MAML2: variants seen among roughly 807,000 people sequenced by gnomAD.
The protein encoded by MAML2 is mastermind like transcriptional coactivator 2.
Under a neutral mutation model 96.1 loss-of-function variants are expected in MAML2, and 22 were observed. The observed-to-expected ratio is 0.23, with a 90% confidence interval of 0.16 to 0.33. MAML2 has a LOEUF of 0.33. Among genes scored for constraint, MAML2 ranks in the 10% least tolerant of loss-of-function variants. MAML2 has a pLI of 1.00. For missense variants in MAML2, 1,367 were observed against 1,392.4 expected, an observed-to-expected ratio of 0.98 and a Z score of 0.29; for synonymous variants, 561 against 521.3, an observed-to-expected ratio of 1.08 and a Z score of -1.04.
intron 2 of MAML2, among the ~76,000 whole-genome samples, chr11:96,002,517 G>A (rs1021773240): frequency 6.7e-6 from 1 of 150,344 alleles, no homozygotes; most frequent in Admixed American, 6.6e-5. Flanking sequence ...TGACAATGAC[G>A]ATGATGATGG....
At chr11:96,188,967 T>C (rs534747330) in intron 1 of MAML2, among the ~76,000 whole-genome samples, 1 of 152,152 alleles carries the variant, frequency 6.6e-6, no homozygotes, top group South Asian at 2.1e-4. Flanking sequence ...AAAGAGCCAC[T>C]GAGGAGAAAC....
intron 1 of MAML2, among the ~76,000 whole-genome samples, chr11:96,115,397 T>C (rs1860217412): frequency 6.6e-6 from 1 of 151,908 alleles, no homozygotes; most frequent in African/African-American, 2.4e-5. Context: ...TCGTGAACTC[T>C]TGGTCTCAAG....
chr11:96,150,435 C>T (rs1860901124), intron 1 of MAML2, among the ~76,000 whole-genome samples: 1 of 152,032 alleles, frequency 6.6e-6, no homozygotes, highest in Admixed American at 6.6e-5. Flanking sequence ...GTGACACTTA[C>T]CTTGAATCCT....
intron 1 of MAML2, among the ~76,000 whole-genome samples, chr11:96,299,681 G>C (rs566161803): frequency 6.6e-6 from 1 of 152,138 alleles, no homozygotes; most frequent in Non-Finnish European, 1.5e-5. Flanking sequence ...ACTTTGAGAC[G>C]TGCTCCTCCT....
intron 1 of MAML2, among the ~76,000 whole-genome samples, chr11:96,276,820 A>T (rs1287480988): frequency 6.7e-6 from 1 of 150,292 alleles, no homozygotes; most frequent in Non-Finnish European, 1.5e-5. Flanking sequence ...CAGACCCAAA[A>T]AAAAAAAAAA....
chr11:96,286,777 A>G (rs1409219308), intron 1 of MAML2, among the ~76,000 whole-genome samples: 1 of 152,210 alleles, frequency 6.6e-6, no homozygotes, highest in South Asian at 2.1e-4. Context: ...AGGATGAAAG[A>G]TAATTTTTTT....
At chr11:96,313,517 G>A (rs111714504) in intron 1 of MAML2, among the ~76,000 whole-genome samples, 1 of 151,766 alleles carries the variant, frequency 6.6e-6, no homozygotes, top group Non-Finnish European at 1.5e-5. Flanking sequence ...TCCCCACCTC[G>A]CCCAGCCTCC....
chr11:96,153,983 G>A (rs1216961041), intron 1 of MAML2, among the ~76,000 whole-genome samples: 1 of 151,918 alleles, frequency 6.6e-6, no homozygotes, highest in Non-Finnish European at 1.5e-5. Context: ...GATGTCACTG[G>A]ATTGTCACAA....
intron 2 of MAML2, among the ~76,000 whole-genome samples, chr11:96,075,860 A>G (rs1859426204): frequency 6.6e-6 from 1 of 152,154 alleles, no homozygotes; most frequent in African/African-American, 2.4e-5. Flanking sequence ...ACTCTTACTA[A>G]TCGGCATTCA....
intron 1 of MAML2, among the ~76,000 whole-genome samples, chr11:96,108,382 A>C (rs1860060401): frequency 6.6e-6 from 1 of 152,214 alleles, no homozygotes; most frequent in African/African-American, 2.4e-5. Context: ...AGAACACAGC[A>C]TGCAGCAAGA....
intron 1 of MAML2, among the ~76,000 whole-genome samples, chr11:96,321,354 A>G (rs1431194798): frequency 6.6e-6 from 1 of 152,198 alleles, no homozygotes; most frequent in Non-Finnish European, 1.5e-5. Context: ...CCTTTTTAAC[A>G]CTGAAATTCC....
intron 1 of MAML2, among the ~76,000 whole-genome samples, chr11:96,183,290 C>T (rs1036933661): frequency 6.6e-6 from 1 of 151,660 alleles, no homozygotes; most frequent in Non-Finnish European, 1.5e-5. Flanking sequence ...GTTCTATATT[C>T]AGCATATTTG....
rs796670044 is a variant in MAML2, at chr11:96,123,315, T to TC, written c.514-29799dup. Among the ~76,000 whole-genome samples the TC allele has an allele frequency of 4.6e-5, 7 of 152,174 alleles. No homozygotes were observed. The East Asian group carries it at 1.2e-3, about 25-fold the overall frequency. On this transcript the variant is annotated intron_variant, in intron 1 of 4. Transcript: ENST00000524717. ...AGACATTTACAGTCTTTTTTTTTTT[T>TC]CACGTATCTGCCTGCTTCTACAGGT...
At chr11:96,042,635 G>C (rs762698279) in intron 2 of MAML2, among the ~76,000 whole-genome samples, 15 of 151,980 alleles carry the variant, frequency 9.9e-5, no homozygotes, top group Non-Finnish European at 1.6e-4. Flanking sequence ...TTTAAGCCAG[G>C]CCTGTTCCCC....
At chr11:96,180,984 A>C (rs1400015683) in intron 1 of MAML2, among the ~76,000 whole-genome samples, 15 of 149,014 alleles carry the variant, frequency 1.0e-4, no homozygotes, top group South Asian at 2.1e-4. Context: ...CAAGGTGCTC[A>C]GTGGGGGTGC....
chr11:96,319,738 C>T (rs932267585), intron 1 of MAML2, among the ~76,000 whole-genome samples: 3 of 152,170 alleles, frequency 2.0e-5, no homozygotes, highest in Non-Finnish European at 4.4e-5. Flanking sequence ...TTCTTGTGAA[C>T]TTTTAGGAAA....
In MAML2 at chr11:96,269,185, C is replaced by T. The variant is rs1406006457; in HGVS notation, c.513+72198G>A. Among the ~76,000 whole-genome samples, 11 of 144,488 alleles carry T rather than the reference C, an allele frequency of 7.6e-5. 2 individuals carry two copies. The highest frequency in any genetic ancestry group is 3.0e-5 in the Non-Finnish European group (2 of 66,822). 94.8% of individuals were successfully genotyped at this position (144,488 alleles called of 152,430 possible). Reference sequence around the variant, plus strand: ...TGCCTGTTATTGAAGATGATTAAGACGGATGACTTCATGGTGGGCATACTG... The same window carrying T: ...TGCCTGTTATTGAAGATGATTAAGATGGATGACTTCATGGTGGGCATACTG... On this transcript the variant is annotated intron_variant, in intron 1 of 4. Coordinates refer to ENST00000524717, the MANE Select transcript of MAML2 (RefSeq NM_032427.4).
intron 1 of MAML2, among the ~76,000 whole-genome samples, chr11:96,276,338 T>G (rs1393064253): frequency 3.3e-5 from 5 of 152,110 alleles, no homozygotes; most frequent in African/African-American, 1.2e-4. Context: ...CCTTGCCATC[T>G]CTCTCTCTTG....
At chr11:96,220,280 T>C (rs1459803495) in intron 1 of MAML2, among the ~76,000 whole-genome samples, 5 of 152,132 alleles carry the variant, frequency 3.3e-5, no homozygotes, top group Non-Finnish European at 7.4e-5. Flanking sequence ...TATTTCTCTT[T>C]CTCTGTGCTC....
Sources: allele counts gnomAD v4.1 joint callset (sites outside exome capture counted in the v4.1 genomes callset), GRCh38; gene constraint gnomAD v4.1.1; transcripts MANE v1.5; gene names NCBI Gene and HGNC (gene_info 2026-07-23, HGNC 2026-07-21).